HTR2C: variants seen among roughly 807,000 people sequenced by gnomAD.
The protein encoded by HTR2C is 5-hydroxytryptamine receptor 2C.
In HTR2C, 5 loss-of-function variants were observed where a neutral mutation model predicts 21.0. The observed-to-expected ratio is 0.24, with a 90% CI of 0.12 to 0.50. The LOEUF (loss-of-function observed/expected upper bound fraction) is 0.50, where lower values mean the gene tolerates loss of function less well. Among genes scored for constraint, HTR2C ranks in the 20% least tolerant of loss-of-function variants. The pLI is 0.98. For missense variants in HTR2C, 271 were observed against 371.2 expected (o/e 0.73, Z 2.22); for synonymous variants, 150 against 145.3 (o/e 1.03, Z -0.23).
chrX:114,633,947 T>TATAGAGAGAGAG (rs201763901), intron 2 of HTR2C, among the ~76,000 whole-genome samples: 31,767 of 91,997 alleles, frequency 0.35, 4,745 homozygotes, highest in East Asian at 0.48. Flanking sequence ...TATATATATA[T>TATAGAGAGAGAG]AGAGAGAGAG....
chrX:114,629,372 C>G (rs1315848186), intron 2 of HTR2C, among the ~76,000 whole-genome samples: 1 of 111,939 alleles, frequency 8.9e-6, no homozygotes, highest in Non-Finnish European at 1.9e-5. Flanking sequence ...TAGGATATCA[C>G]TTGTAGTTCT....
At chrX:114,798,915 T>A (rs1235694100) in intron 4 of HTR2C, among the ~76,000 whole-genome samples, 1 of 110,655 alleles carries the variant, frequency 9.0e-6, no homozygotes, top group African/African-American at 3.3e-5. Flanking sequence ...TAAAGTATTT[T>A]GATAAAGTTA....
At chrX:114,867,817 G>A (rs1006534339) in intron 5 of HTR2C, among the ~76,000 whole-genome samples, 27 of 110,967 alleles carry the variant, frequency 2.4e-4, no homozygotes, top group African/African-American at 8.5e-4. Flanking sequence ...GTTCACTGTA[G>A]CTGTGTAGAT....
chrX:114,692,342 C>T (rs1365687166), intron 2 of HTR2C, among the ~76,000 whole-genome samples: 6 of 111,692 alleles, frequency 5.4e-5, no homozygotes, highest in Non-Finnish European at 9.4e-5. Flanking sequence ...CTACAGTCAA[C>T]GACATGGACA....
intron 4 of HTR2C, among the ~76,000 whole-genome samples, chrX:114,789,569 T>C (rs989212485): frequency 2.7e-5 from 3 of 111,348 alleles, no homozygotes; most frequent in Non-Finnish European, 5.7e-5. Context: ...GTGATCTTGA[T>C]TGTTAAGATT....
At chrX:114,776,271 C>T (rs782043863) in intron 4 of HTR2C, 4 of 582,251 alleles carry the variant, frequency 6.9e-6, no homozygotes, top group Non-Finnish European at 1.2e-5. Flanking sequence ...ATTCTAAGTA[C>T]ATTGAGACCA....
chrX:114,770,775 G>A (rs1298645320), intron 4 of HTR2C, among the ~76,000 whole-genome samples: 4 of 90,793 alleles, frequency 4.4e-5, no homozygotes, highest in African/African-American at 1.6e-4. Flanking sequence ...ATACTTTCCT[G>A]TTTCTTTTCT....
chrX:114,731,855 T>C (rs2069540770), intron 4 of HTR2C, among the ~76,000 whole-genome samples: 1 of 111,709 alleles, frequency 9.0e-6, no homozygotes, highest in Non-Finnish European at 1.9e-5. Context: ...AGTGTCTTTG[T>C]AAACAATGAA....
intron 4 of HTR2C, among the ~76,000 whole-genome samples, chrX:114,760,737 G>A (rs1220346679): frequency 3.6e-5 from 4 of 110,633 alleles, no homozygotes; most frequent in African/African-American, 9.9e-5. Flanking sequence ...TGCCCAGGCT[G>A]GTCTCTAAGT....
intron 2 of HTR2C, among the ~76,000 whole-genome samples, chrX:114,675,226 G>C (rs1364900666): frequency 8.9e-6 from 1 of 111,755 alleles, no homozygotes; most frequent in Non-Finnish European, 1.9e-5. Flanking sequence ...TCAGAGGGTG[G>C]TATGCATATG....
intron 2 of HTR2C, among the ~76,000 whole-genome samples, chrX:114,674,776 T>A (rs1931495249): frequency 9.0e-6 from 1 of 111,649 alleles, no homozygotes; most frequent in African/African-American, 3.3e-5. Context: ...TATGGTTGAG[T>A]GTCTTCCCTA....
At chrX:114,708,934 A>G (rs1445412646) in intron 2 of HTR2C, among the ~76,000 whole-genome samples, 2 of 112,085 alleles carry the variant, frequency 1.8e-5, no homozygotes, top group Non-Finnish European at 3.8e-5. Context: ...TGAATACATT[A>G]TTGCTTCAAA....
At position 114,774,122 on chromosome X, in the gene HTR2C, G is replaced by T. The variant is rs781995201; in HGVS notation, c.349+42515G>T. Reference sequence around the variant, plus strand: ...TCATAATATATTAGTCCCAATCCCTGCTTATGAGGGAGTTTATAATATAAT... The same window carrying T: ...TCATAATATATTAGTCCCAATCCCTTCTTATGAGGGAGTTTATAATATAAT... On this transcript the variant is annotated intron_variant, in intron 4 of 5. Transcript: ENST00000276198. 1.6e-4 allele frequency among the ~76,000 whole-genome samples: 18 copies of T among 112,208 alleles called. No individual in the cohort carries two copies. The South Asian group carries it at 4.0e-3, about 25-fold the overall frequency.
chrX:114,821,004 A>C (rs181353007), intron 4 of HTR2C, among the ~76,000 whole-genome samples: 176 of 111,871 alleles, frequency 1.6e-3, no homozygotes, highest in Non-Finnish European at 2.6e-3. Context: ...ATAGAGAATC[A>C]ATTAAAAGCA....
intron 4 of HTR2C, among the ~76,000 whole-genome samples, chrX:114,784,899 G>A (rs1228053829): frequency 3.6e-5 from 4 of 111,296 alleles, no homozygotes; most frequent in African/African-American, 9.8e-5. Flanking sequence ...GATTACAGGC[G>A]TGAGCCACCA....
chrX:114,807,008 T>TAC (rs1456298562), intron 4 of HTR2C, among the ~76,000 whole-genome samples: 4 of 71,226 alleles, frequency 5.6e-5, no homozygotes, highest in Admixed American at 1.9e-4. Flanking sequence ...ACCATATATA[T>TAC]CACATATATA....
chrX:114,850,351 G>A (rs1406753159), intron 5 of HTR2C, among the ~76,000 whole-genome samples: 1 of 111,130 alleles, frequency 9.0e-6, no homozygotes, highest in Non-Finnish European at 1.9e-5. Context: ...CAAGTCTGCA[G>A]TGAGCTGAGA....
At chrX:114,754,043 A>T (rs782746710) in intron 4 of HTR2C, among the ~76,000 whole-genome samples, 21 of 111,144 alleles carry the variant, frequency 1.9e-4, no homozygotes, top group Non-Finnish European at 3.4e-4. Context: ...TTCCCTCAGT[A>T]CTGTGTCCAC....
At chrX:114,594,542 T>C (rs1442756524) in intron 1 of HTR2C, among the ~76,000 whole-genome samples, 1 of 111,907 alleles carries the variant, frequency 8.9e-6, no homozygotes, top group African/African-American at 3.2e-5. Flanking sequence ...TTATTCATAT[T>C]GTCAACCTTT....
Sources: allele counts gnomAD v4.1 joint callset (sites outside exome capture counted in the v4.1 genomes callset), GRCh38; gene constraint gnomAD v4.1.1; transcripts MANE v1.5; gene names NCBI Gene and HGNC (gene_info 2026-07-23, HGNC 2026-07-21).